PCLO: variants seen among roughly 807,000 people sequenced by gnomAD.
The protein encoded by PCLO is protein piccolo.
In PCLO, 82 loss-of-function variants were observed where a neutral mutation model predicts 427.5. The ratio of observed to expected loss-of-function variants is 0.19; its 90% CI spans 0.16 to 0.23. PCLO has a LOEUF of 0.23. Ranked by LOEUF, PCLO falls within the 10% of genes least tolerant of loss-of-function variation. The probability of loss-of-function intolerance (pLI) is 1.00; values close to 1 mark genes in which losing one functional copy is unlikely to be tolerated. For missense variants in PCLO, 6,239 were observed against 6,115.9 expected, an observed-to-expected ratio of 1.02 and a Z score of -0.67; for synonymous variants, 2,357 against 2,155.4, an observed-to-expected ratio of 1.09 and a Z score of -2.59.
At chr7:82,869,122 T>C (rs1263018156) in intron 10 of PCLO, among the ~76,000 whole-genome samples, 6 of 152,112 alleles carry the variant, frequency 3.9e-5, no homozygotes, top group Non-Finnish European at 5.9e-5. Context: ...TTAGAACCAA[T>C]GATATGTATA....
chr7:82,995,833 G>T (rs570201723), intron 3 of PCLO, among the ~76,000 whole-genome samples: 1 of 151,814 alleles, frequency 6.6e-6, no homozygotes, highest in Non-Finnish European at 1.5e-5. Context: ...TCCATGCACG[G>T]TATATAGTAA....
Position 83,134,242 on chromosome 7 carries a change from T to TATATATATATATATATATATATATAA in PCLO, c.3300+7_3300+8insTTATATATATATATATATATATATAT, listed in dbSNP as rs746054139. On this transcript the variant is annotated splice_region_variant and intron_variant, in intron 3 of 24. Coordinates refer to ENST00000333891, the MANE Select transcript of PCLO (RefSeq NM_033026.6). ...TAATATATATATATATATATATATA[T>TATATATATATATATATATATATATAA]AACTTACCTCAGTCAAATGTGGTGT... is the stretch of plus-strand genomic sequence containing the variant. The TATATATATATATATATATATATATAA allele has an allele frequency of 6.7e-4, 711 of 1,067,620 alleles. 9 individuals are homozygous for TATATATATATATATATATATATATAA. In the Admixed American group the frequency reaches 7.2e-3, roughly 11 times the overall value. The allele number at this position is 1,067,620 out of a possible 1,614,324, so 66.1% of individuals were successfully genotyped here. A position where few individuals can be genotyped will look rare whatever the true frequency, so the allele number is the denominator to read the frequency against.
chr7:82,974,958 T>C (rs985891927), intron 3 of PCLO, among the ~76,000 whole-genome samples: 2 of 152,002 alleles, frequency 1.3e-5, no homozygotes, highest in Non-Finnish European at 2.9e-5. Context: ...TTTGCATTTT[T>C]AGTAGAGGCG....
At chr7:82,863,808 T>A (rs368355456) in intron 10 of PCLO, among the ~76,000 whole-genome samples, 1 of 152,104 alleles carries the variant, frequency 6.6e-6, no homozygotes, top group East Asian at 1.9e-4. Context: ...GGTTTTCATA[T>A]GTATACCATC....
chr7:82,772,585 C>T (rs982487354), intron 22 of PCLO, among the ~76,000 whole-genome samples: 3 of 152,046 alleles, frequency 2.0e-5, no homozygotes, highest in African/African-American at 4.8e-5. Context: ...GGCATTCTGG[C>T]CTAATAAGAT....
chr7:83,117,443 T>C (rs1791162534), intron 3 of PCLO, among the ~76,000 whole-genome samples: 1 of 152,218 alleles, frequency 6.6e-6, no homozygotes, highest in African/African-American at 2.4e-5. Flanking sequence ...CTCCCACACA[T>C]CTTGCTGTTT....
chr7:83,133,048 A>G (rs1791613002), intron 3 of PCLO, among the ~76,000 whole-genome samples: 1 of 152,044 alleles, frequency 6.6e-6, no homozygotes, highest in Non-Finnish European at 1.5e-5. Flanking sequence ...CATCACAGCT[A>G]AAGAGGAAAA....
chr7:82,925,758 T>G (rs1794698909), intron 6 of PCLO, among the ~76,000 whole-genome samples: 1 of 149,030 alleles, frequency 6.7e-6, no homozygotes, highest in South Asian at 2.1e-4. Flanking sequence ...CTTGCTCTGT[T>G]GTCCAGGCTG....
intron 3 of PCLO, among the ~76,000 whole-genome samples, chr7:83,111,907 A>G (rs1791012770): frequency 6.6e-6 from 1 of 152,218 alleles, no homozygotes; most frequent in Non-Finnish European, 1.5e-5. Flanking sequence ...AGCAAATCAC[A>G]TCATTTTTAA....
chr7:82,916,329 G>A lies in PCLO; in HGVS notation c.11657C>T (p.Thr3886Ile), dbSNP rs754778715. The A allele has an allele frequency of 6.2e-7, 1 of 1,613,704 alleles. No individual in the cohort carries two copies. Among genetic ancestry groups the A allele is most frequent in the South Asian group, 1.1e-5 (1 of 91,072 alleles). The change falls in exon 7 of 25, where the codon ACA (threonine) becomes ATA (isoleucine). Residue 3886 changes from threonine (T) to isoleucine (I), a missense_variant. Around this residue, in one of 5 missense-constraint regions of PCLO, gnomAD observed 680 missense variants for 677.3 expected, o/e 1.00. Transcript: ENST00000333891. ...SQLVPPTSPY[T>I]QYQYSSPALP... ...AGCAGGGGAAGAGTACTGGTATTGT[G>A]TGTAAGGACTTGTCGGAGGAACTAG... is the stretch of plus-strand genomic sequence containing the variant.
intron 15 of PCLO, among the ~76,000 whole-genome samples, chr7:82,837,662 G>T (rs1361106473): frequency 1.3e-5 from 2 of 151,922 alleles, no homozygotes; most frequent in African/African-American, 4.8e-5. Context: ...GATTCAAAGA[G>T]ATATTTTTTA....
intron 22 of PCLO, among the ~76,000 whole-genome samples, chr7:82,796,631 T>C (rs1791229305): frequency 6.6e-6 from 1 of 151,814 alleles, no homozygotes; most frequent in Non-Finnish European, 1.5e-5. Flanking sequence ...ATTTTCCCTC[T>C]GGCTTATATA....
At chr7:83,025,049 C>T (rs1788455034) in intron 3 of PCLO, among the ~76,000 whole-genome samples, 1 of 152,148 alleles carries the variant, frequency 6.6e-6, no homozygotes. Flanking sequence ...TAGAGCGCCT[C>T]TCCTCCTCCA....
chr7:82,908,095 G>C (rs1447687313), intron 8 of PCLO, among the ~76,000 whole-genome samples: 1 of 151,968 alleles, frequency 6.6e-6, no homozygotes, highest in African/African-American at 2.4e-5. Context: ...ATCATAATGA[G>C]TACACAACCT....
chr7:83,103,766 C>G (rs1790790911), intron 3 of PCLO, among the ~76,000 whole-genome samples: 1 of 151,806 alleles, frequency 6.6e-6, no homozygotes, highest in African/African-American at 2.4e-5. Context: ...AAAACAACAA[C>G]AAATGCAGAA....
At chr7:82,790,738 T>A (rs1030800739) in intron 22 of PCLO, among the ~76,000 whole-genome samples, 1 of 152,224 alleles carries the variant, frequency 6.6e-6, no homozygotes, top group Admixed American at 6.5e-5. Flanking sequence ...GCACAGTCAA[T>A]ATAAATTCAG....
At chr7:83,141,974 T>C (rs376933118) in intron 2 of PCLO, among the ~76,000 whole-genome samples, 1 of 152,168 alleles carries the variant, frequency 6.6e-6, no homozygotes, top group East Asian at 1.9e-4. Flanking sequence ...AACTAAAGAA[T>C]ATTCCTGCTC....
chr7:82,760,695 G>A lies in PCLO; in HGVS notation c.15232C>T (p.Pro5078Ser). The A allele has an allele frequency of 6.2e-7, 1 of 1,603,026 alleles. No individual in the cohort carries two copies. Among genetic ancestry groups the A allele is most frequent in the South Asian group, 1.1e-5 (1 of 89,926 alleles). The change falls in exon 24 of 25, where the codon CCT (proline) becomes TCT (serine). Residue 5078 changes from proline (P) to serine (S), a missense_variant. Transcript: ENST00000333891. ...KTRVCRHDRE[P>S]SFNETFRFSL... ...AATCGAAAAGTTTCATTAAACGAAG[G>A]CTCTCGATCATGTCTGCATACTCTT...
intron 6 of PCLO, among the ~76,000 whole-genome samples, chr7:82,936,212 C>T (rs964848234): frequency 1.3e-5 from 2 of 151,690 alleles, no homozygotes; most frequent in South Asian, 4.1e-4. Context: ...TGAAATCATA[C>T]AAAGTGCTTT....
Sources: gnomAD v4.1 joint callset for allele counts (sites outside exome capture counted in the v4.1 genomes callset) on GRCh38, gnomAD v4.1.1 for gene constraint, gnomAD v4.1.1 regional missense constraint, MANE v1.5 for transcripts, NCBI Gene and HGNC (gene_info 2026-07-23, HGNC 2026-07-21) for gene names.